Variants in KCNAB1 observed in about 807,000 individuals in gnomAD.
KCNAB1 encodes potassium voltage-gated channel subfamily A regulatory beta subunit 1.
A neutral mutation model predicts 64.6 loss-of-function variants in KCNAB1; 35 were observed. The observed-to-expected ratio is 0.54, with a 90% CI of 0.41 to 0.72. The LOEUF (loss-of-function observed/expected upper bound fraction) is 0.72, where lower values mean the gene tolerates loss of function less well. Among genes scored for constraint, KCNAB1 ranks in the 30% least tolerant of loss-of-function variants. The pLI, the probability that KCNAB1 is intolerant of heterozygous loss-of-function variation, is 0.00. For synonymous variants in KCNAB1, 177 were observed against 183.8 expected (o/e 0.96, Z 0.30); for missense variants, 401 against 512.9 (o/e 0.78, Z 2.11).
At chr3:156,163,870 A>G (rs1029870276) in intron 1 of KCNAB1, among the ~76,000 whole-genome samples, 8 of 152,234 alleles carry the variant, frequency 5.3e-5, no homozygotes, top group African/African-American at 1.9e-4. Context: ...CAAATGTTGC[A>G]CGGATGCCAT....
At chr3:156,320,468 A>G (rs1722583424) in intron 1 of KCNAB1, among the ~76,000 whole-genome samples, 3 of 152,338 alleles carry the variant, frequency 2.0e-5, no homozygotes, top group African/African-American at 7.2e-5. Flanking sequence ...CTTGGAATTG[A>G]GAAAGTGGTG....
At chr3:156,288,743 G>A (rs1720231464) in intron 1 of KCNAB1, among the ~76,000 whole-genome samples, 1 of 151,558 alleles carries the variant, frequency 6.6e-6, no homozygotes, top group Non-Finnish European at 1.5e-5. Context: ...TTTCTTTGAG[G>A]CATGTCCTAA....
At chr3:156,162,253 T>C (rs1224718435) in intron 1 of KCNAB1, among the ~76,000 whole-genome samples, 3 of 25,236 alleles carry the variant, frequency 1.2e-4, no homozygotes, top group African/African-American at 2.1e-4. Context: ...TTATACTGGA[T>C]TTTTTTTTTT....
intron 1 of KCNAB1, among the ~76,000 whole-genome samples, chr3:156,269,536 G>GT (rs561460833): frequency 1.2e-3 from 182 of 152,244 alleles, no homozygotes; most frequent in African/African-American, 4.1e-3. Flanking sequence ...GATTAAATCT[G>GT]TTTTTTCTTT....
intron 1 of KCNAB1, among the ~76,000 whole-genome samples, chr3:156,391,540 AT>A (rs1367804339): frequency 1.3e-5 from 2 of 152,184 alleles, no homozygotes; most frequent in Non-Finnish European, 2.9e-5. Context: ...TGCTTCATTT[AT>A]TTATCTCCAC....
rs186649432 is a variant in KCNAB1 at position 156,394,309 on chromosome 3, G to A, written c.276-27307G>A. ...TACTGAGGGAACTGGCATAAGTCAA[G>A]TGTTGATTCTGCCATGTTCTAAAAA... On this transcript the variant is annotated intron_variant, in intron 1 of 13. Transcript: ENST00000490337. Among the ~76,000 whole-genome samples, 152 of 152,306 alleles carry A rather than the reference G, an allele frequency of 1.0e-3. 1 individual carries two copies. The highest frequency in any genetic ancestry group is 1.7e-3 in the Non-Finnish European group (113 of 68,018).
intron 3 of KCNAB1, chr3:156,457,182 A>G: frequency 3.2e-6 from 4 of 1,235,190 alleles, no homozygotes; most frequent in Non-Finnish European, 4.1e-6. Context: ...AGCTCTTCCC[A>G]GCCCAGTGAG....
At chr3:156,128,346 A>G (rs1713790367) in intron 1 of KCNAB1, among the ~76,000 whole-genome samples, 1 of 152,218 alleles carries the variant, frequency 6.6e-6, no homozygotes, top group Non-Finnish European at 1.5e-5. Context: ...GTATCTCTGA[A>G]AGAAAAAGGG....
chr3:156,273,368 G>A (rs1719148566), intron 1 of KCNAB1, among the ~76,000 whole-genome samples: 1 of 152,208 alleles, frequency 6.6e-6, no homozygotes, highest in Admixed American at 6.5e-5. Context: ...CCCTGGCAGT[G>A]AGGCTTGCCA....
At chr3:156,303,866 A>G (rs184492201) in intron 1 of KCNAB1, among the ~76,000 whole-genome samples, 25 of 152,324 alleles carry the variant, frequency 1.6e-4, no homozygotes, top group Admixed American at 1.2e-3. Flanking sequence ...AAATACAACA[A>G]TGAAAATGTT....
At chr3:156,162,781 G>C (rs78826360) in intron 1 of KCNAB1, among the ~76,000 whole-genome samples, 2,598 of 152,120 alleles carry the variant, frequency 0.017, 38 homozygotes, top group Non-Finnish European at 0.028. Context: ...TGCCCACCCT[G>C]CTGGCTCCAA....
intron 2 of KCNAB1, among the ~76,000 whole-genome samples, chr3:156,431,820 T>TCAAA (rs1435617315): frequency 6.6e-6 from 1 of 152,192 alleles, no homozygotes. Flanking sequence ...AACTGTGAAT[T>TCAAA]CTGTGAGCTG....
chr3:156,476,280 T>C (rs755912466), intron 8 of KCNAB1, among the ~76,000 whole-genome samples: 2 of 152,026 alleles, frequency 1.3e-5, no homozygotes, highest in African/African-American at 2.4e-5. Context: ...ATATTTGTAG[T>C]CTTATCCCTC....
At chr3:156,370,261 T>C (rs1050790564) in intron 1 of KCNAB1, among the ~76,000 whole-genome samples, 2 of 152,190 alleles carry the variant, frequency 1.3e-5, no homozygotes, top group African/African-American at 4.8e-5. Flanking sequence ...TTGTTGAAGC[T>C]ACTCAGGGAA....
intron 1 of KCNAB1, among the ~76,000 whole-genome samples, chr3:156,255,681 G>A (rs912621993): frequency 6.6e-6 from 1 of 152,016 alleles, no homozygotes; most frequent in South Asian, 2.1e-4. Flanking sequence ...TCTAACAATG[G>A]GCTCATGTGT....
chr3:156,322,947 C>G (rs1722761668), intron 1 of KCNAB1, among the ~76,000 whole-genome samples: 1 of 152,120 alleles, frequency 6.6e-6, no homozygotes, highest in Non-Finnish European at 1.5e-5. Context: ...TTTGAGTGAT[C>G]AGCTCTTCTT....
chr3:156,150,244 T>C (rs1049924657), intron 1 of KCNAB1, among the ~76,000 whole-genome samples: 1 of 152,200 alleles, frequency 6.6e-6, no homozygotes, highest in Non-Finnish European at 1.5e-5. Flanking sequence ...GAACGTGTTA[T>C]TTCCTATTGA....
intron 8 of KCNAB1, among the ~76,000 whole-genome samples, chr3:156,513,406 G>C (rs1717350504): frequency 6.6e-6 from 1 of 152,156 alleles, no homozygotes; most frequent in Admixed American, 6.5e-5. Flanking sequence ...TGGTTCTTCT[G>C]AAGGGCATTT....
At chr3:156,227,821 C>G (rs1033838256) in intron 1 of KCNAB1, 5 of 152,248 alleles carry the variant, frequency 3.3e-5, no homozygotes, top group African/African-American at 1.2e-4. Context: ...GCAAACTGTG[C>G]TTAAGGAGGG....
Sources: allele counts gnomAD v4.1 joint callset (sites outside exome capture counted in the v4.1 genomes callset), GRCh38; gene constraint gnomAD v4.1.1; transcripts MANE v1.5; gene names NCBI Gene and HGNC (gene_info 2026-07-23, HGNC 2026-07-21).